TMEM163: variants seen among roughly 807,000 people sequenced by gnomAD.
The protein encoded by TMEM163 is transmembrane protein 163.
A neutral mutation model predicts 29.3 loss-of-function variants in TMEM163; 17 were observed. The ratio of observed to expected loss-of-function variants is 0.58; its 90% CI spans 0.40 to 0.87. The LOEUF (loss-of-function observed/expected upper bound fraction) is 0.87. TMEM163 is among the 40% of genes least tolerant of loss of function. TMEM163 has a pLI of 0.00. For missense variants in TMEM163, 303 were observed against 381.5 expected, an observed-to-expected ratio of 0.79 and a Z score of 1.71; for synonymous variants, 157 against 160.6, an observed-to-expected ratio of 0.98 and a Z score of 0.17.
At chr2:134,570,989 T>C (rs1681409470) in intron 2 of TMEM163, among the ~76,000 whole-genome samples, 1 of 152,228 alleles carries the variant, frequency 6.6e-6, no homozygotes, top group Non-Finnish European at 1.5e-5. Context: ...CCATTGCTTG[T>C]AACTGTGATG....
chr2:134,481,088 A>G (rs1298364674), intron 5 of TMEM163, among the ~76,000 whole-genome samples: 2 of 152,120 alleles, frequency 1.3e-5, no homozygotes, highest in African/African-American at 2.4e-5. Context: ...CACAGTATGA[A>G]TTTGGTGGGG....
intron 5 of TMEM163, among the ~76,000 whole-genome samples, chr2:134,499,611 G>T (rs1358179136): frequency 1.3e-5 from 2 of 152,190 alleles, no homozygotes; most frequent in African/African-American, 4.8e-5. Flanking sequence ...CAATTGCACA[G>T]CTCTCTTACT....
chr2:134,497,811 T>C (rs1384781615), intron 5 of TMEM163, among the ~76,000 whole-genome samples: 1 of 152,022 alleles, frequency 6.6e-6, no homozygotes, highest in Admixed American at 6.5e-5. Flanking sequence ...ATGTTCAGCT[T>C]TCCCCAGACA....
rs186164941 is a variant in TMEM163 at position 134,519,666 on chromosome 2, C to T, written c.459-16669G>A. On this transcript the variant is annotated intron_variant, in intron 4 of 7. Coordinates refer to ENST00000281924, the MANE Select transcript of TMEM163 (RefSeq NM_030923.5). ...GGCAGAGCTTGCAGTGAGCCGAGAT[C>T]GTGCCACTGCCCTCCAGCCTGGGTG... Among the ~76,000 whole-genome samples the T allele has an allele frequency of 1.2e-4, 18 of 151,316 alleles. No individual in the cohort carries two copies. The East Asian group carries it at 1.8e-3, about 15-fold the overall frequency.
rs754423131 is a variant in TMEM163, at chr2:134,550,579, C to A, written c.449G>T (p.Arg150Met). 8.1e-6 allele frequency: 13 copies of A among 1,613,966 alleles called. No individual in the cohort carries two copies. The highest frequency in any genetic ancestry group is 1.1e-5 in the Non-Finnish European group (13 of 1,179,986). The change falls in exon 4 of 8, where the codon AGG (arginine) becomes ATG (methionine). Residue 150 changes from arginine to methionine, a missense_variant. This residue lies in a region of TMEM163 where 203 missense variants were observed against 294.3 expected (regional missense o/e 0.69). Transcript: ENST00000281924. The part of the protein sequence containing the change: ...SNAAAVHSAH[R>M]EYIACVILGV... ...ACAAGAATCTACTTACATGTACTCC[C>A]TATGGGCAGAGTGCACAGCGGCCGC...
At chr2:134,492,762 T>C (rs939486610) in intron 5 of TMEM163, among the ~76,000 whole-genome samples, 10 of 152,204 alleles carry the variant, frequency 6.6e-5, no homozygotes, top group African/African-American at 2.2e-4. Flanking sequence ...AACACACATA[T>C]AGGTTGTTTC....
chr2:134,619,733 G>T (rs1362122010), intron 2 of TMEM163, among the ~76,000 whole-genome samples: 1 of 152,074 alleles, frequency 6.6e-6, no homozygotes, highest in African/African-American at 2.4e-5. Context: ...GTAAGCAAAA[G>T]CAATTAAAGG....
chr2:134,532,210 G>A (rs1680431832), intron 4 of TMEM163, among the ~76,000 whole-genome samples: 1 of 152,196 alleles, frequency 6.6e-6, no homozygotes, highest in Admixed American at 6.5e-5. Context: ...TTTAGGCAGA[G>A]ATACCAATCT....
intron 4 of TMEM163, among the ~76,000 whole-genome samples, chr2:134,503,221 C>T (rs749048280): frequency 3.9e-5 from 6 of 152,186 alleles, no homozygotes; most frequent in Non-Finnish European, 8.8e-5. Context: ...AAAGAGATCA[C>T]CATCCTACAG....
chr2:134,635,707 G>C (rs1308833504), intron 2 of TMEM163, among the ~76,000 whole-genome samples: 1 of 152,124 alleles, frequency 6.6e-6, no homozygotes, highest in Non-Finnish European at 1.5e-5. Context: ...ACAGATAAAG[G>C]CCTTCCAGCT....
rs16830712 is a variant in TMEM163 at position 134,501,922 on chromosome 2, A to G, written c.555+979T>C. Among the ~76,000 whole-genome samples, 383 of 152,306 alleles carry G rather than the reference A, an allele frequency of 2.5e-3. 1 individual carries two copies. Among genetic ancestry groups the G allele is most frequent in the African/African-American group, 8.5e-3 (353 of 41,554 alleles). On this transcript the variant is annotated intron_variant, in intron 5 of 7. Coordinates refer to ENST00000281924, the MANE Select transcript of TMEM163 (RefSeq NM_030923.5). ...ACAGTTAAAATCCTGGTGGATCATT[A>G]AAGGGATGGCACTAATCATTTACAA...
At chr2:134,459,990 G>A (rs551867841) in intron 6 of TMEM163, among the ~76,000 whole-genome samples, 59 of 151,932 alleles carry the variant, frequency 3.9e-4, no homozygotes, top group Middle Eastern at 3.4e-3. Context: ...CCGTAGATGG[G>A]GCCACCAGCT....
chr2:134,690,438 A>G (rs1044041773), intron 2 of TMEM163, among the ~76,000 whole-genome samples: 4 of 151,780 alleles, frequency 2.6e-5, no homozygotes, highest in African/African-American at 9.7e-5. Flanking sequence ...AGTGTGTGCC[A>G]CCATACCTGG....
intron 4 of TMEM163, among the ~76,000 whole-genome samples, chr2:134,524,348 TTTA>T (rs1680248476): frequency 6.6e-6 from 1 of 151,010 alleles, no homozygotes; most frequent in Non-Finnish European, 1.5e-5. Flanking sequence ...ATCGATAACA[TTTA>T]ATGCTGTAAT....
chr2:134,694,342 C>T (rs1313957423), intron 2 of TMEM163, among the ~76,000 whole-genome samples: 1 of 152,150 alleles, frequency 6.6e-6, no homozygotes, highest in Non-Finnish European at 1.5e-5. Flanking sequence ...AGCTGAAGAA[C>T]TATTGGAATT....
At chr2:134,585,846 ATATT>A (rs1160693191) in intron 2 of TMEM163, among the ~76,000 whole-genome samples, 3 of 152,264 alleles carry the variant, frequency 2.0e-5, no homozygotes, top group Admixed American at 2.0e-4. Context: ...CAAAATTGGA[ATATT>A]TAATTAACAA....
At chr2:134,686,009 T>C (rs920216843) in intron 2 of TMEM163, among the ~76,000 whole-genome samples, 16 of 152,244 alleles carry the variant, frequency 1.1e-4, no homozygotes, top group African/African-American at 3.6e-4. Context: ...GCCAGCCATA[T>C]ACCTGTCTGT....
intron 2 of TMEM163, among the ~76,000 whole-genome samples, chr2:134,636,804 G>T (rs1324315285): frequency 6.6e-6 from 1 of 152,176 alleles, no homozygotes; most frequent in Non-Finnish European, 1.5e-5. Context: ...GATATATTTT[G>T]CAGATTCTGC....
intron 2 of TMEM163, among the ~76,000 whole-genome samples, chr2:134,677,371 T>G (rs1338132404): frequency 6.6e-6 from 1 of 152,130 alleles, no homozygotes; most frequent in East Asian, 1.9e-4. Flanking sequence ...GAAAAAAGCT[T>G]ATGCAATCCA....
Sources: allele counts gnomAD v4.1 joint callset (sites outside exome capture counted in the v4.1 genomes callset), GRCh38; gene constraint gnomAD v4.1.1; regional missense constraint gnomAD v4.1.1; transcripts MANE v1.5; gene names NCBI Gene and HGNC (gene_info 2026-07-23, HGNC 2026-07-21).